CFAP299: variants seen among roughly 807,000 people sequenced by gnomAD.
CFAP299 encodes cilia and flagella associated protein 299, also known as cilia- and flagella-associated protein 299.
A neutral mutation model predicts 27.0 loss-of-function variants in CFAP299; 21 were observed. The observed-to-expected ratio is 0.78, with a 90% confidence interval of 0.55 to 1.12. The LOEUF is 1.12. Among genes scored for constraint, CFAP299 ranks in the 50% most tolerant of loss-of-function variants. The pLI is 0.00. For synonymous variants in CFAP299, 104 were observed against 98.1 expected (o/e 1.06, Z -0.36); for missense variants, 310 against 276.6 (o/e 1.12, Z -0.86).
At chr4:80,851,328 T>C (rs13128194) in intron 3 of CFAP299, among the ~76,000 whole-genome samples, 38,986 of 152,084 alleles carry the variant, frequency 0.26, 7,287 homozygotes, top group African/African-American at 0.52. Context: ...TAGGCACTGA[T>C]CAGTTCTTTG....
At chr4:80,958,197 C>T (rs1049267741) in intron 5 of CFAP299, among the ~76,000 whole-genome samples, 2 of 152,122 alleles carry the variant, frequency 1.3e-5, no homozygotes, top group Admixed American at 1.3e-4. Flanking sequence ...ATACAATATT[C>T]TTGACTATTA....
intron 3 of CFAP299, among the ~76,000 whole-genome samples, chr4:80,694,048 G>A (rs910007565): frequency 2.6e-5 from 4 of 152,076 alleles, no homozygotes; most frequent in Admixed American, 6.6e-5. Context: ...AAATTATTAT[G>A]TGTAAAATTG....
chr4:80,701,967 A>G (rs1721516125), intron 3 of CFAP299, among the ~76,000 whole-genome samples: 1 of 151,860 alleles, frequency 6.6e-6, no homozygotes, highest in Non-Finnish European at 1.5e-5. Context: ...TTTATTCCCC[A>G]GAGATTTGTT....
intron 2 of CFAP299, among the ~76,000 whole-genome samples, chr4:80,581,453 G>GATTATATATATATATAT (rs1553936102): frequency 1.5e-4 from 15 of 103,032 alleles, no homozygotes; most frequent in African/African-American, 8.8e-4. Flanking sequence ...TATTAAGTGA[G>GATTATATATATATATAT]ATATATATAT....
chr4:80,692,227 G>A (rs577807917), intron 3 of CFAP299, among the ~76,000 whole-genome samples: 53 of 152,194 alleles, frequency 3.5e-4, no homozygotes, highest in African/African-American at 9.9e-4. Flanking sequence ...AAAAGAGCCC[G>A]CATCACCAAG....
At chr4:80,385,589 G>A (rs1207129808) in intron 2 of CFAP299, among the ~76,000 whole-genome samples, 1 of 152,130 alleles carries the variant, frequency 6.6e-6, no homozygotes, top group Non-Finnish European at 1.5e-5. Flanking sequence ...GAGGGGTGAA[G>A]TGACTTGCCC....
chr4:80,669,205 G>A (rs1161932698), intron 3 of CFAP299, among the ~76,000 whole-genome samples: 1 of 109,048 alleles, frequency 9.2e-6, no homozygotes, highest in Non-Finnish European at 1.7e-5. Flanking sequence ...CTGTTGGCCA[G>A]GCTGGAGTGC....
At chr4:80,887,973 T>A (rs1560463626) in intron 4 of CFAP299, among the ~76,000 whole-genome samples, 1 of 151,526 alleles carries the variant, frequency 6.6e-6, no homozygotes, top group Non-Finnish European at 1.5e-5. Flanking sequence ...AATCATACAA[T>A]GGGCATATAA....
At chr4:80,504,506 T>TA (rs57743936) in intron 2 of CFAP299, among the ~76,000 whole-genome samples, 4 of 126,332 alleles carry the variant, frequency 3.2e-5, no homozygotes, top group South Asian at 2.6e-4. Flanking sequence ...TATATATATA[T>TA]TTTCCTTTGA....
intron 3 of CFAP299, among the ~76,000 whole-genome samples, chr4:80,734,965 T>A (rs1723769311): frequency 6.6e-6 from 1 of 152,166 alleles, no homozygotes; most frequent in Non-Finnish European, 1.5e-5. Context: ...AAGTTTATGA[T>A]TGCTTTTTCT....
chr4:80,735,750 A>G (rs1560724597), intron 3 of CFAP299, among the ~76,000 whole-genome samples: 1 of 152,224 alleles, frequency 6.6e-6, no homozygotes, highest in East Asian at 1.9e-4. Context: ...ATTGATTTGC[A>G]TATGTTGAAG....
Position 80,715,322 on chromosome 4 carries a change from G to A in CFAP299, c.333+132139G>A, listed in dbSNP as rs368121288. On this transcript the variant is annotated intron_variant, in intron 3 of 5. Coordinates refer to ENST00000358105, the MANE Select transcript of CFAP299 (RefSeq NM_152770.3). Reference sequence around the variant, plus strand: ...CCATATAACCCAACCTTGTTTAAGAGAGGGGGAAAAAGGACAAGTTGGCTT... The same window carrying A: ...CCATATAACCCAACCTTGTTTAAGAAAGGGGGAAAAAGGACAAGTTGGCTT... 2.0e-5 allele frequency among the ~76,000 whole-genome samples: 3 copies of A among 152,072 alleles called. No individual in the cohort carries two copies. The South Asian group carries it at 6.2e-4, about 31-fold the overall frequency.
chr4:80,911,754 A>C (rs72865189), intron 4 of CFAP299, among the ~76,000 whole-genome samples: 2,403 of 152,276 alleles, frequency 0.016, 66 homozygotes, highest in African/African-American at 0.054. Flanking sequence ...CATCAGCACA[A>C]TGCCATAAGA....
At chr4:80,909,500 A>T (rs1000791737) in intron 4 of CFAP299, among the ~76,000 whole-genome samples, 1 of 151,966 alleles carries the variant, frequency 6.6e-6, no homozygotes, top group African/African-American at 2.4e-5. Context: ...TTAAACTATA[A>T]ATATGATATG....
intron 2 of CFAP299, among the ~76,000 whole-genome samples, chr4:80,567,772 T>C (rs2110230141): frequency 6.6e-6 from 1 of 150,980 alleles, no homozygotes; most frequent in Non-Finnish European, 1.5e-5. Context: ...ATTTTGTTGT[T>C]TAAATACAAA....
intron 3 of CFAP299, among the ~76,000 whole-genome samples, chr4:80,654,912 A>G (rs1195324045): frequency 6.6e-6 from 1 of 151,006 alleles, no homozygotes; most frequent in African/African-American, 2.4e-5. Context: ...CATCATACCT[A>G]GCTATTCTAA....
chr4:80,543,308 C>T (rs1734087399), intron 2 of CFAP299, among the ~76,000 whole-genome samples: 1 of 152,190 alleles, frequency 6.6e-6, no homozygotes, highest in Admixed American at 6.5e-5. Flanking sequence ...AGAATGTTTT[C>T]TTACCTCCTA....
intron 3 of CFAP299, among the ~76,000 whole-genome samples, chr4:80,863,352 A>G (rs914056366): frequency 5.3e-5 from 8 of 152,142 alleles, no homozygotes; most frequent in Admixed American, 5.2e-4. Flanking sequence ...TTGTATTTTA[A>G]TCCACTTCTG....
At chr4:80,674,222 G>A (rs892155618) in intron 3 of CFAP299, among the ~76,000 whole-genome samples, 4 of 152,120 alleles carry the variant, frequency 2.6e-5, no homozygotes, top group African/African-American at 9.7e-5. Flanking sequence ...GCCTGGTGGT[G>A]ACAAAATCTC....
Sources: allele counts gnomAD v4.1 joint callset (sites outside exome capture counted in the v4.1 genomes callset), GRCh38; gene constraint gnomAD v4.1.1; transcripts MANE v1.5; gene names NCBI Gene and HGNC (gene_info 2026-07-23, HGNC 2026-07-21).